The following PML variants were observed in gnomAD, a reference collection of about 807,000 sequenced individuals.
PML encodes PML nuclear body scaffold.
Under a neutral mutation model 65.2 loss-of-function variants are expected in PML, and 28 were observed. The observed-to-expected ratio is 0.43, with a 90% CI of 0.32 to 0.59. The LOEUF (loss-of-function observed/expected upper bound fraction) is 0.59. Among genes scored for constraint, PML ranks in the 20% least tolerant of loss-of-function variants. The pLI is 0.08. For missense variants in PML, 1,021 were observed against 1,203.4 expected (o/e 0.85, Z 2.24); for synonymous variants, 500 against 508.8 (o/e 0.98, Z 0.23).
intron 7 of PML, chr15:74,036,402 G>A (rs936599806): frequency 9.0e-6 from 12 of 1,339,980 alleles, no homozygotes; most frequent in African/African-American, 4.4e-5. Context: ...TCACCCTTGC[G>A]AACCCTTATT....
In PML at chr15:74,043,069, C is replaced by T. The variant is rs1015335460; in HGVS notation, c.1791C>T (p.Asp597=). ...LEGPSTLRVL[D]ENLADPQAED... ...GCCCCAGCACCCTCAGGGTCCTGGA[C>T]GAGAACCTTGCTGACCCCCAAGCAG... The change falls in exon 8 of 9, where the codon GAC becomes GAT. Residue 597 remains aspartate (D), a synonymous_variant. Transcript: ENST00000268058. This position sits in a 1 kb window ranked among gnomAD's most constrained non-coding sequence, Gnocchi z 4.3. 22 of 1,613,342 alleles carry T rather than the reference C, an allele frequency of 1.4e-5. No homozygotes were observed. The highest frequency in any genetic ancestry group is 4.0e-5 in the African/African-American group (3 of 74,676).
chr15:73,997,141 A>G (rs538593649), intron 1 of PML, among the ~76,000 whole-genome samples: 51 of 152,316 alleles, frequency 3.3e-4, no homozygotes, highest in Non-Finnish European at 5.6e-4. Context: ...GCAGAAAGCA[A>G]CCAACCAGAC....
intron 4 of PML, among the ~76,000 whole-genome samples, chr15:74,029,669 A>G (rs751338635): frequency 6.6e-5 from 10 of 152,160 alleles, no homozygotes; most frequent in Non-Finnish European, 1.3e-4. Flanking sequence ...ATAAATTATG[A>G]TTGTTACATG....
rs538088136 is a variant in PML at position 74,037,713 on chromosome 15, C to T, written c.1710+3183C>T. On this transcript the variant is annotated intron_variant, in intron 7 of 8. Coordinates refer to ENST00000268058, the MANE Select transcript of PML (RefSeq NM_033238.3). This position sits in a 1 kb window ranked among gnomAD's most constrained non-coding sequence, Gnocchi z 4.2. ...GTCTTTCCTGGAAAGATCGCCTGCTCGGATGCAGCTCTGGGCACTCCTCCC... is the reference window on the plus strand; with the variant it reads ...GTCTTTCCTGGAAAGATCGCCTGCTTGGATGCAGCTCTGGGCACTCCTCCC... 1.9e-5 allele frequency: 19 copies of T among 985,318 alleles called. No individual in the cohort carries two copies. In the East Asian group the frequency reaches 9.1e-4, roughly 47 times the overall value. The allele number at this position is 985,318 out of a possible 1,614,324, so 61.0% of individuals were successfully genotyped here.
rs2071597197 is a variant in PML, at chr15:74,037,487, C to G, written c.1710+2957C>G. ...ACTAAACACCCTGAATGAGGTCTTT[C>G]TCATCTCAGAAAACTCCACCCACTT... is the stretch of plus-strand genomic sequence containing the variant. On this transcript the variant is annotated intron_variant, in intron 7 of 8. Coordinates refer to ENST00000268058, the MANE Select transcript of PML (RefSeq NM_033238.3). This position sits in a 1 kb window ranked among gnomAD's most constrained non-coding sequence, Gnocchi z 4.2. 1 of 985,340 alleles carries G rather than the reference C, an allele frequency of 1.0e-6. No individual in the cohort carries two copies. 61.0% of individuals were successfully genotyped at this position (985,340 alleles called of 1,614,324 possible).
intron 7 of PML, chr15:74,036,993 T>C (rs1179649741): frequency 1.0e-6 from 1 of 985,324 alleles, no homozygotes; most frequent in Non-Finnish European, 1.2e-6. Flanking sequence ...TCATCAGAAT[T>C]GCAGCTCCCT....
At chr15:74,022,259 T>C (rs1352186348) in intron 2 of PML, among the ~76,000 whole-genome samples, 3 of 152,028 alleles carry the variant, frequency 2.0e-5, no homozygotes, top group Admixed American at 6.6e-5. Flanking sequence ...GCCCGGCCGA[T>C]TTCTTTCTTT....
intron 4 of PML, among the ~76,000 whole-genome samples, chr15:74,028,821 T>G (rs2071192871): frequency 6.6e-6 from 1 of 152,190 alleles, no homozygotes; most frequent in African/African-American, 2.4e-5. Context: ...ATGTAGCATG[T>G]GTCAGAATTT....
intron 6 of PML, 153 bp from the exon 7 acceptor site, chr15:74,034,325 C>A: frequency 1.1e-6 from 1 of 896,356 alleles, no homozygotes; most frequent in Non-Finnish European, 1.9e-6. Context: ...AGCAGAGTCA[C>A]ATTGGCACAC....
In PML at chr15:74,047,178, A is replaced by G; in HGVS notation, c.*2170A>G. 1 of 231,250 alleles carries G rather than the reference A, an allele frequency of 4.3e-6. No homozygotes were observed. The highest frequency in any genetic ancestry group is 6.1e-5 in the East Asian group (1 of 16,326). 14.3% of individuals were successfully genotyped at this position (231,250 alleles called of 1,614,324 possible). On this transcript the variant is annotated 3_prime_UTR_variant, in exon 9 of 9. Coordinates refer to ENST00000268058, the MANE Select transcript of PML (RefSeq NM_033238.3). ...TACTTCTCTCTGTGTTCCTTGAGTG[A>G]CAGGTGGTAAAACCCTTAAAAAGGG...
At position 74,024,836 on chromosome 15, in the gene PML, G is replaced by A. The variant is rs758847626; in HGVS notation, c.1184-21G>A. 6 of 1,598,776 alleles carry A rather than the reference G, an allele frequency of 3.8e-6. No individual in the cohort carries two copies. In the Admixed American group the frequency reaches 8.3e-5, roughly 22 times the overall value. On this transcript the variant is annotated intron_variant, in intron 3 of 8. Coordinates refer to ENST00000268058, the MANE Select transcript of PML (RefSeq NM_033238.3). ...ACCAGCATGTCCTTGACCTGCCTGTGACCTTCTTTGTGTTCTACAGATGCA... is the reference window on the plus strand; with the variant it reads ...ACCAGCATGTCCTTGACCTGCCTGTAACCTTCTTTGTGTTCTACAGATGCA...
chr15:73,998,158 G>A lies in PML; in HGVS notation c.284G>A (p.Trp95Ter). ...CAGTGCCCCATCTGCCAGGCGCCCT[G>A]GCCCCTAGGTGCAGACACACCCGCC... is the stretch of plus-strand genomic sequence containing the variant. Reference protein sequence around the residue: ...GMQCPICQAPWPLGADTPALD... With the variant: ...GMQCPICQAP The change falls in exon 2 of 9, where the codon TGG becomes TAG. Residue 95 changes from tryptophan (W) to a stop codon, truncating the protein, a stop_gained. Coordinates refer to ENST00000268058, the MANE Select transcript of PML (RefSeq NM_033238.3). LOFTEE classifies it high-confidence loss of function. 1 of 1,614,204 alleles carries A rather than the reference G, an allele frequency of 6.2e-7. No individual in the cohort carries two copies. Among genetic ancestry groups the A allele is most frequent in the Non-Finnish European group, 8.5e-7 (1 of 1,180,038 alleles).
intron 2 of PML, among the ~76,000 whole-genome samples, chr15:73,999,314 G>C (rs149004276): frequency 6.6e-6 from 1 of 152,308 alleles, no homozygotes; most frequent in African/African-American, 2.4e-5. Flanking sequence ...CATAGAAGGC[G>C]CTTCTTGGTT....
chr15:74,020,716 G>T (rs1402977992), intron 2 of PML, among the ~76,000 whole-genome samples: 1 of 152,148 alleles, frequency 6.6e-6, no homozygotes, highest in African/African-American at 2.4e-5. Context: ...AAAGGTGTCA[G>T]CAGGCTTTGC....
At chr15:74,006,122 G>A (rs551298427) in intron 2 of PML, among the ~76,000 whole-genome samples, 13 of 152,268 alleles carry the variant, frequency 8.5e-5, no homozygotes, top group East Asian at 1.9e-4. Context: ...TGGGTGCTGC[G>A]GCTCACACCT....
chr15:74,046,839 G>A lies in PML; in HGVS notation c.*1831G>A, dbSNP rs1435942543. 2 of 231,046 alleles carry A rather than the reference G, an allele frequency of 8.7e-6. No homozygotes were observed. The highest frequency in any genetic ancestry group is 1.2e-4 in the East Asian group (2 of 16,334). 14.3% of individuals were successfully genotyped at this position (231,046 alleles called of 1,614,324 possible). ...GAACCACTGAGAAGCCTTTTGCCTG[G>A]ATAGGAGGGGGCTCTCCCAGGCATA... On this transcript the variant is annotated 3_prime_UTR_variant, in exon 9 of 9. Transcript: ENST00000268058.
At chr15:73,997,566 C>T (rs1376426786) in intron 1 of PML, among the ~76,000 whole-genome samples, 1 of 152,146 alleles carries the variant, frequency 6.6e-6, no homozygotes, top group African/African-American at 2.4e-5. Context: ...GTACAAGTAT[C>T]TGTTTGGGCC....
intron 2 of PML, among the ~76,000 whole-genome samples, chr15:74,022,197 TCCTC>T (rs1034419036): frequency 2.2e-4 from 34 of 152,332 alleles, no homozygotes; most frequent in African/African-American, 7.5e-4. Flanking sequence ...CCTCAGGTGA[TCCTC>T]CCGCCCCGGC....
rs750484230 is a variant in PML at position 74,034,538 on chromosome 15, G to C, written c.1710+8G>C. 1 of 1,614,010 alleles carries C rather than the reference G, an allele frequency of 6.2e-7. No individual in the cohort carries two copies. Among genetic ancestry groups the C allele is most frequent in the Non-Finnish European group, 8.5e-7 (1 of 1,180,022 alleles). On this transcript the variant is annotated splice_region_variant and intron_variant, in intron 7 of 8. Coordinates refer to ENST00000268058, the MANE Select transcript of PML (RefSeq NM_033238.3). ...TCAGATGCCGAAAACTCGGTGAGTG[G>C]CCCAGAAGTTCAGCCCAGGACTCCT...
Sources: gnomAD v4.1 joint callset for allele counts (sites outside exome capture counted in the v4.1 genomes callset) on GRCh38, gnomAD v4.1.1 for gene constraint, Gnocchi (gnomAD v3.1) non-coding constraint, MANE v1.5 for transcripts, NCBI Gene and HGNC (gene_info 2026-07-23, HGNC 2026-07-21) for gene names.